CDKAL1: variants seen among roughly 807,000 people sequenced by gnomAD.
CDKAL1 encodes CDKAL1 threonylcarbamoyladenosine tRNA methylthiotransferase, also known as threonylcarbamoyladenosine tRNA methylthiotransferase.
In CDKAL1, 32 loss-of-function variants were observed where a neutral mutation model predicts 68.2. The observed-to-expected ratio is 0.47, with a 90% CI of 0.35 to 0.63. The LOEUF is 0.63. CDKAL1 is among the 30% of genes least tolerant of loss of function. The pLI, the probability that CDKAL1 is intolerant of heterozygous loss-of-function variation, is 0.00. For synonymous variants in CDKAL1, 234 were observed against 244.3 expected, an observed-to-expected ratio of 0.96 and a Z score of 0.39; for missense variants, 606 against 696.7, an observed-to-expected ratio of 0.87 and a Z score of 1.47.
chr6:21,053,329 T>C (rs368613219), intron 11 of CDKAL1, among the ~76,000 whole-genome samples: 24 of 152,350 alleles, frequency 1.6e-4, no homozygotes, highest in African/African-American at 5.5e-4. Context: ...GTAAGTAATT[T>C]CCACATATGG....
chr6:20,889,349 C>T (rs897829562), intron 9 of CDKAL1, among the ~76,000 whole-genome samples: 7 of 152,102 alleles, frequency 4.6e-5, no homozygotes, highest in African/African-American at 1.7e-4. Flanking sequence ...GTAGTTTCTT[C>T]TGCTGTGCAG....
intron 9 of CDKAL1, among the ~76,000 whole-genome samples, chr6:20,935,172 G>T (rs1476836838): frequency 6.6e-6 from 1 of 152,100 alleles, no homozygotes; most frequent in African/African-American, 2.4e-5. Flanking sequence ...GGGATTACAG[G>T]TGTGAGCCAC....
At chr6:20,605,110 T>C (rs1287925150) in intron 4 of CDKAL1, among the ~76,000 whole-genome samples, 2 of 152,128 alleles carry the variant, frequency 1.3e-5, no homozygotes, top group East Asian at 3.9e-4. Context: ...CAAGGGGAAA[T>C]TGGGGATTTG....
intron 5 of CDKAL1, among the ~76,000 whole-genome samples, chr6:20,732,263 CTTTT>C (rs56911987): frequency 0.019 from 1,552 of 83,386 alleles, 4 homozygotes; most frequent in Non-Finnish European, 0.025. Context: ...TTCTTTCTTT[CTTTT>C]TTTTTTTTTT....
At chr6:20,686,239 G>C (rs1396610780) in intron 5 of CDKAL1, among the ~76,000 whole-genome samples, 1 of 152,126 alleles carries the variant, frequency 6.6e-6, no homozygotes, top group African/African-American at 2.4e-5. Context: ...CAACCCCTGG[G>C]CCATGAACTG....
chr6:20,597,371 G>A (rs909461710), intron 4 of CDKAL1, among the ~76,000 whole-genome samples: 2 of 151,862 alleles, frequency 1.3e-5, no homozygotes, highest in African/African-American at 2.4e-5. Context: ...CTCACGATCC[G>A]CCCACCTCAG....
At chr6:20,841,569 T>G (rs9460564) in intron 8 of CDKAL1, among the ~76,000 whole-genome samples, 220 of 152,318 alleles carry the variant, frequency 1.4e-3, no homozygotes, top group African/African-American at 5.1e-3. Flanking sequence ...TTTCATTTGT[T>G]TAGTCTATGT....
chr6:21,074,923 T>C (rs1038649550), intron 12 of CDKAL1, among the ~76,000 whole-genome samples: 12 of 152,060 alleles, frequency 7.9e-5, no homozygotes, highest in African/African-American at 2.9e-4. Flanking sequence ...GTAGTGTACA[T>C]TGTACCCAAA....
chr6:20,948,560 C>G (rs1438873543), intron 9 of CDKAL1, among the ~76,000 whole-genome samples: 1 of 152,202 alleles, frequency 6.6e-6, no homozygotes, highest in African/African-American at 2.4e-5. Flanking sequence ...GAACAGTGTA[C>G]TGCATTGCAG....
At chr6:21,011,734 T>G (rs1768033177) in intron 11 of CDKAL1, among the ~76,000 whole-genome samples, 1 of 152,182 alleles carries the variant, frequency 6.6e-6, no homozygotes, top group Non-Finnish European at 1.5e-5. Context: ...AATACTGAAT[T>G]TACAGGTCTT....
At chr6:21,225,766 A>G (rs1363956649) in intron 15 of CDKAL1, among the ~76,000 whole-genome samples, 1 of 152,232 alleles carries the variant, frequency 6.6e-6, no homozygotes, top group Admixed American at 6.5e-5. Flanking sequence ...CATAAGGAAC[A>G]AAAATAGCAC....
At chr6:20,788,980 A>C (rs1366875300) in intron 8 of CDKAL1, among the ~76,000 whole-genome samples, 1 of 152,226 alleles carries the variant, frequency 6.6e-6, no homozygotes, top group Non-Finnish European at 1.5e-5. Context: ...ACTTGACAGC[A>C]GTGTTTCTTA....
At chr6:20,987,805 G>C (rs1006149601) in intron 10 of CDKAL1, among the ~76,000 whole-genome samples, 3 of 151,814 alleles carry the variant, frequency 2.0e-5, no homozygotes, top group African/African-American at 7.3e-5. Context: ...TTTGGGACAG[G>C]GTCTTACTCT....
intron 13 of CDKAL1, among the ~76,000 whole-genome samples, chr6:21,149,424 G>A (rs1265610104): frequency 1.3e-5 from 2 of 152,166 alleles, no homozygotes; most frequent in African/African-American, 4.8e-5. Flanking sequence ...GGGATTACAG[G>A]CATGAACCAC....
chr6:20,662,997 G>A (rs1769357896), intron 5 of CDKAL1, among the ~76,000 whole-genome samples: 1 of 152,088 alleles, frequency 6.6e-6, no homozygotes, highest in Non-Finnish European at 1.5e-5. Context: ...GATTGAAGTC[G>A]GTTGTTTTAA....
In CDKAL1 at chr6:20,634,807, G is replaced by A. The variant is rs188331618; in HGVS notation, c.287-14486G>A. Among the ~76,000 whole-genome samples, 327 of 151,634 alleles carry A rather than the reference G, an allele frequency of 2.2e-3. 3 individuals are homozygous for A. In the Middle Eastern group the frequency reaches 0.027, roughly 13 times the overall value. On this transcript the variant is annotated intron_variant, in intron 4 of 15. Coordinates refer to ENST00000274695, the MANE Select transcript of CDKAL1 (RefSeq NM_017774.3). ...AGCCTGACCAACATGGTGAAACCCC[G>A]TCTCTACTAAAAATACAAAATTAGC...
chr6:21,231,048 T>G lies in CDKAL1; in HGVS notation c.*9T>G. The G allele has an allele frequency of 6.4e-7, 1 of 1,567,264 alleles. No individual in the cohort carries two copies. Among genetic ancestry groups the G allele is most frequent in the Non-Finnish European group, 8.7e-7 (1 of 1,147,106 alleles). On this transcript the variant is annotated 3_prime_UTR_variant, in exon 16 of 16. Coordinates refer to ENST00000274695, the MANE Select transcript of CDKAL1 (RefSeq NM_017774.3). ...TCAAGGTCTATAATTAGAATACAACTAATGGAAACATCTATAAAGAAGAAT... is the reference window on the plus strand; with the variant it reads ...TCAAGGTCTATAATTAGAATACAACGAATGGAAACATCTATAAAGAAGAAT...
intron 8 of CDKAL1, among the ~76,000 whole-genome samples, chr6:20,831,504 G>A (rs979048963): frequency 2.0e-5 from 3 of 152,128 alleles, no homozygotes; most frequent in Admixed American, 6.5e-5. Context: ...TTGATTTGCT[G>A]AGCAGACTTC....
At chr6:20,658,265 C>G (rs1185360248) in intron 5 of CDKAL1, among the ~76,000 whole-genome samples, 1 of 152,114 alleles carries the variant, frequency 6.6e-6, no homozygotes, top group Non-Finnish European at 1.5e-5. Flanking sequence ...CATTATTAAC[C>G]CAAATGGGCA....
Sources: gnomAD v4.1 joint callset for allele counts (sites outside exome capture counted in the v4.1 genomes callset) on GRCh38, gnomAD v4.1.1 for gene constraint, MANE v1.5 for transcripts, NCBI Gene and HGNC (gene_info 2026-07-23, HGNC 2026-07-21) for gene names.